The following MCF2L2 variants were observed in gnomAD, a reference collection of about 807,000 sequenced individuals.
The protein encoded by MCF2L2 is probable guanine nucleotide exchange factor MCF2L2.
In MCF2L2, 102 loss-of-function variants were observed where a neutral mutation model predicts 150.2. The ratio of observed to expected loss-of-function variants is 0.68; its 90% CI spans 0.58 to 0.80. The LOEUF (loss-of-function observed/expected upper bound fraction) is 0.80. Ranked by LOEUF, MCF2L2 falls within the 30% of genes least tolerant of loss-of-function variation. The pLI, the probability that MCF2L2 is intolerant of heterozygous loss-of-function variation, is 0.00. For synonymous variants in MCF2L2, 465 were observed against 491.3 expected (o/e 0.95, Z 0.71); for missense variants, 1,256 against 1,372.8 (o/e 0.91, Z 1.34).
At chr3:183,350,306 AT>A (rs200874754) in intron 3 of MCF2L2, among the ~76,000 whole-genome samples, 146 of 149,264 alleles carry the variant, frequency 9.8e-4, no homozygotes, top group African/African-American at 2.1e-3. Context: ...CTGGGGTGGG[AT>A]TTTTTTTTTT....
chr3:183,368,154 G>T (rs992893253), intron 3 of MCF2L2, among the ~76,000 whole-genome samples: 8 of 152,194 alleles, frequency 5.3e-5, no homozygotes, highest in Admixed American at 1.3e-4. Context: ...AGCAGCATCA[G>T]CATCTCTTGG....
intron 5 of MCF2L2, among the ~76,000 whole-genome samples, chr3:183,325,122 TG>T (rs1729971289): frequency 2.1e-5 from 1 of 46,992 alleles, no homozygotes; most frequent in Non-Finnish European, 3.8e-5. Context: ...TGTTGTGGGG[TG>T]GGGGGAGGGG....
intron 3 of MCF2L2, among the ~76,000 whole-genome samples, chr3:183,357,593 C>A (rs1464289493): frequency 6.6e-6 from 1 of 152,158 alleles, no homozygotes; most frequent in Non-Finnish European, 1.5e-5. Flanking sequence ...GCATACGACA[C>A]ACCATTTATT....
chr3:183,207,878 G>A, intron 22 of MCF2L2, 55 bp from the exon 23 acceptor site: 1 of 1,401,384 alleles, frequency 7.1e-7, no homozygotes, highest in Non-Finnish European at 1.0e-6. Context: ...GACAGAGAAA[G>A]AAGCCTTTGT....
rs368202082 is a variant in MCF2L2, at chr3:183,356,840, A to C, written c.276-15210T>G. ...GAAACAATGAAAACAACTACAAAAA[A>C]GTTTATATTTTTTCTAGTCAGTAAT... On this transcript the variant is annotated intron_variant, in intron 3 of 29. Coordinates refer to ENST00000328913, the MANE Select transcript of MCF2L2 (RefSeq NM_015078.4). 1.3e-3 allele frequency among the ~76,000 whole-genome samples: 195 copies of C among 152,330 alleles called. 3 individuals carry two copies. The South Asian group carries it at 0.04, about 31-fold the overall frequency.
intron 2 of MCF2L2, among the ~76,000 whole-genome samples, chr3:183,381,935 T>C (rs979309006): frequency 6.6e-6 from 1 of 152,198 alleles, no homozygotes; most frequent in Non-Finnish European, 1.5e-5. Context: ...AGATGCATTA[T>C]AACACTGTAG....
intron 15 of MCF2L2, among the ~76,000 whole-genome samples, chr3:183,252,769 C>T (rs906409415): frequency 2.6e-5 from 4 of 152,190 alleles, no homozygotes; most frequent in African/African-American, 9.6e-5. Context: ...TAATCTTTTG[C>T]TTTTCTGTCA....
At chr3:183,278,911 C>T (rs901237160) in intron 14 of MCF2L2, among the ~76,000 whole-genome samples, 3 of 152,186 alleles carry the variant, frequency 2.0e-5, no homozygotes, top group South Asian at 4.1e-4. Flanking sequence ...TGCCTTGGCA[C>T]GTTGCTCTGC....
At chr3:183,215,877 C>T (rs1347757832) in intron 22 of MCF2L2, 92 bp downstream of exon 22, 11 of 1,442,424 alleles carry the variant, frequency 7.6e-6, no homozygotes, top group Non-Finnish European at 1.0e-5. Context: ...TTACCATAGA[C>T]GATCTCTCTG....
intron 15 of MCF2L2, among the ~76,000 whole-genome samples, chr3:183,250,419 C>G (rs1376074224): frequency 6.6e-6 from 1 of 151,852 alleles, no homozygotes; most frequent in Admixed American, 6.6e-5. Context: ...AACCCCATCT[C>G]CACCAAAAAT....
At chr3:183,371,627 C>T (rs1712889035) in intron 3 of MCF2L2, among the ~76,000 whole-genome samples, 1 of 141,660 alleles carries the variant, frequency 7.1e-6, no homozygotes, top group Admixed American at 6.9e-5. Flanking sequence ...GCCACCAGGC[C>T]CAGATAATTT....
intron 10 of MCF2L2, among the ~76,000 whole-genome samples, chr3:183,307,593 G>A (rs1474714211): frequency 6.6e-6 from 1 of 152,188 alleles, no homozygotes; most frequent in African/African-American, 2.4e-5. Flanking sequence ...GCATTCCTGT[G>A]TTCCATAACC....
chr3:183,367,224 TTTC>T (rs1712590076), intron 3 of MCF2L2, among the ~76,000 whole-genome samples: 1 of 151,174 alleles, frequency 6.6e-6, no homozygotes, highest in Non-Finnish European at 1.5e-5. Flanking sequence ...TCTTTCTTTC[TTTC>T]TTTTTTTTTT....
chr3:183,195,640 G>A (rs1456646650), intron 25 of MCF2L2, among the ~76,000 whole-genome samples: 1 of 152,192 alleles, frequency 6.6e-6, no homozygotes, highest in Non-Finnish European at 1.5e-5. Flanking sequence ...GTCCCTGGGA[G>A]AGCGATAAGA....
chr3:183,340,380 C>T (rs1730648785), intron 4 of MCF2L2, among the ~76,000 whole-genome samples: 1 of 152,160 alleles, frequency 6.6e-6, no homozygotes, highest in African/African-American at 2.4e-5. Context: ...CCAGTCCCAA[C>T]TGCCCCAGAG....
intron 15 of MCF2L2, among the ~76,000 whole-genome samples, chr3:183,238,513 T>C (rs893384778): frequency 6.6e-6 from 1 of 151,558 alleles, no homozygotes; most frequent in Non-Finnish European, 1.5e-5. Context: ...CAGGATGGTC[T>C]TGATCTCCTG....
intron 25 of MCF2L2, among the ~76,000 whole-genome samples, chr3:183,201,900 C>T (rs927222568): frequency 7.2e-5 from 11 of 151,960 alleles, no homozygotes; most frequent in African/African-American, 1.9e-4. Flanking sequence ...TTTTTGTCTT[C>T]GGAGAACACT....
intron 1 of MCF2L2, among the ~76,000 whole-genome samples, chr3:183,423,632 GTTTTTTTT>G (rs34400256): frequency 3.3e-5 from 3 of 92,058 alleles, no homozygotes; most frequent in Non-Finnish European, 6.4e-5. Context: ...AATTTTATTT[GTTTTTTTT>G]TTTTTTTTTT....
At chr3:183,335,334 AC>A (rs1313485885) in intron 5 of MCF2L2, among the ~76,000 whole-genome samples, 2 of 149,680 alleles carry the variant, frequency 1.3e-5, no homozygotes, top group African/African-American at 5.1e-5. Context: ...CATATGCATT[AC>A]AATACATATA....
Sources: allele counts gnomAD v4.1 joint callset (sites outside exome capture counted in the v4.1 genomes callset), GRCh38; gene constraint gnomAD v4.1.1; transcripts MANE v1.5; gene names NCBI Gene and HGNC (gene_info 2026-07-23, HGNC 2026-07-21).